BORCS5: variants seen among roughly 807,000 people sequenced by gnomAD.
The protein encoded by BORCS5 is BLOC-1-related complex subunit 5.
BORCS5 carries 17 observed loss-of-function variants against 22.1 expected under a neutral mutation model. The observed-to-expected ratio is 0.77, with a 90% CI of 0.53 to 1.15. The LOEUF (loss-of-function observed/expected upper bound fraction) is 1.15, where lower values mean the gene tolerates loss of function less well. Among genes scored for constraint, BORCS5 ranks in the 50% most tolerant of loss-of-function variants. The pLI is 0.00. For synonymous variants in BORCS5, 117 were observed against 99.8 expected (o/e 1.17, Z -1.03); for missense variants, 247 against 253.2 (o/e 0.98, Z 0.17).
chr12:12,386,873 GTTA>G, intron 2 of BORCS5, among the ~76,000 whole-genome samples: 1 of 150,786 alleles, frequency 6.6e-6, no homozygotes, highest in African/African-American at 2.4e-5. Flanking sequence ...GCACTGTTGG[GTTA>G]TTATTTTTAT....
chr12:12,386,477 AGTTC>A (rs1863884301), intron 2 of BORCS5, among the ~76,000 whole-genome samples: 1 of 128,858 alleles, frequency 7.8e-6, no homozygotes, highest in South Asian at 2.3e-4. Flanking sequence ...TATTTGTTCT[AGTTC>A]GTTCTCTTTT....
At chr12:12,358,323 G>A (rs1410643167) in intron 1 of BORCS5, among the ~76,000 whole-genome samples, 1 of 152,190 alleles carries the variant, frequency 6.6e-6, no homozygotes, top group Non-Finnish European at 1.5e-5. Context: ...CTTGATAGGA[G>A]CTGTAATTCA....
chr12:12,461,301 T>G (rs906976269), intron 3 of BORCS5, among the ~76,000 whole-genome samples: 4 of 151,690 alleles, frequency 2.6e-5, no homozygotes, highest in Middle Eastern at 3.4e-3. Context: ...CTGGAGCAGG[T>G]GGGACTACAG....
intron 2 of BORCS5, among the ~76,000 whole-genome samples, chr12:12,431,773 A>T (rs1399981121): frequency 6.7e-6 from 1 of 149,880 alleles, no homozygotes; most frequent in African/African-American, 2.5e-5. Flanking sequence ...GGCTCACTTC[A>T]GCCTTTGCCT....
intron 2 of BORCS5, among the ~76,000 whole-genome samples, chr12:12,414,189 C>T (rs1190258522): frequency 3.3e-5 from 3 of 92,136 alleles, no homozygotes; most frequent in Admixed American, 9.6e-5. Context: ...CCGGATGGGG[C>T]GGCTGGCCAG....
intron 2 of BORCS5, among the ~76,000 whole-genome samples, chr12:12,400,019 G>A (rs1024065708): frequency 2.0e-5 from 3 of 152,198 alleles, no homozygotes; most frequent in Non-Finnish European, 4.4e-5. Flanking sequence ...GCAAATAGAG[G>A]AAAATTTTGA....
At chr12:12,464,897 C>T (rs1943171179) in intron 3 of BORCS5, among the ~76,000 whole-genome samples, 1 of 152,086 alleles carries the variant, frequency 6.6e-6, no homozygotes, top group African/African-American at 2.4e-5. Flanking sequence ...GCAGTGTTCC[C>T]CGAGTGTCCG....
At chr12:12,357,932 C>T (rs924097682) in intron 1 of BORCS5, among the ~76,000 whole-genome samples, 28 of 152,260 alleles carry the variant, frequency 1.8e-4, no homozygotes, top group Admixed American at 2.0e-4. Flanking sequence ...TGATAGGTGT[C>T]CACTTGCTTT....
intron 2 of BORCS5, among the ~76,000 whole-genome samples, chr12:12,393,966 T>G (rs1332196189): frequency 2.6e-5 from 4 of 152,038 alleles, no homozygotes; most frequent in Non-Finnish European, 5.9e-5. Context: ...CTTTTTATGG[T>G]TTTTCTTTCA....
chr12:12,391,883 A>C (rs1264724118), intron 2 of BORCS5, among the ~76,000 whole-genome samples: 2 of 118,348 alleles, frequency 1.7e-5, no homozygotes, highest in Admixed American at 1.7e-4. Context: ...AAAAAAAAAA[A>C]AAACGCTAAA....
At chr12:12,439,310 G>C (rs1179642995) in intron 3 of BORCS5, among the ~76,000 whole-genome samples, 1 of 152,146 alleles carries the variant, frequency 6.6e-6, no homozygotes, top group Non-Finnish European at 1.5e-5. Context: ...GGGAGAACCA[G>C]TGTTTTGGAG....
chr12:12,426,598 C>T (rs1942294268), intron 2 of BORCS5, among the ~76,000 whole-genome samples: 1 of 152,232 alleles, frequency 6.6e-6, no homozygotes, highest in Non-Finnish European at 1.5e-5. Flanking sequence ...CTTTTCATTG[C>T]TTACCACAAA....
intron 2 of BORCS5, among the ~76,000 whole-genome samples, chr12:12,414,409 C>T (rs1464570967): frequency 9.6e-5 from 10 of 104,050 alleles, no homozygotes; most frequent in African/African-American, 2.6e-4. Flanking sequence ...CCCTCCCGGA[C>T]TGGGCGGCTG....
chr12:12,359,666 T>G (rs1863231859), intron 1 of BORCS5, among the ~76,000 whole-genome samples: 1 of 123,134 alleles, frequency 8.1e-6, no homozygotes, highest in South Asian at 3.2e-4. Flanking sequence ...CCAGCCGCCT[T>G]GACTTAAAAA....
chr12:12,442,534 G>GAA (rs1942706179), intron 3 of BORCS5, among the ~76,000 whole-genome samples: 1 of 152,170 alleles, frequency 6.6e-6, no homozygotes, highest in South Asian at 2.1e-4. Context: ...AGATGAACTG[G>GAA]TAAGAAAAAC....
intron 3 of BORCS5, among the ~76,000 whole-genome samples, chr12:12,453,106 GA>G (rs1455989119): frequency 6.6e-6 from 1 of 151,888 alleles, no homozygotes; most frequent in Admixed American, 6.5e-5. Flanking sequence ...GAAGGTGTCA[GA>G]AGCAAAAAAT....
intron 2 of BORCS5, among the ~76,000 whole-genome samples, chr12:12,381,011 A>ATTTTTTTTTTTTTTTTTTTTTTTT (rs530930947): frequency 8.2e-6 from 1 of 122,206 alleles, no homozygotes; most frequent in African/African-American, 3.0e-5. Flanking sequence ...TTTTTGGGGG[A>ATTTTTTTTTTTTTTTTTTTTTTTT]TTTTTTTTTT....
At chr12:12,414,794 G>A (rs1330367873) in intron 2 of BORCS5, among the ~76,000 whole-genome samples, 2 of 143,060 alleles carry the variant, frequency 1.4e-5, no homozygotes, top group Non-Finnish European at 1.5e-5. Flanking sequence ...CTTCTCAGAC[G>A]GGGCGGTTGC....
At chr12:12,412,669 G>A (rs537983219) in intron 2 of BORCS5, among the ~76,000 whole-genome samples, 1 of 152,178 alleles carries the variant, frequency 6.6e-6, no homozygotes, top group African/African-American at 2.4e-5. Flanking sequence ...AATAGAAGTG[G>A]TGAAAACAGG....
Sources: gnomAD v4.1 joint callset for allele counts (sites outside exome capture counted in the v4.1 genomes callset) on GRCh38, gnomAD v4.1.1 for gene constraint, MANE v1.5 for transcripts, NCBI Gene and HGNC (gene_info 2026-07-23, HGNC 2026-07-21) for gene names.